Variants in APOL4 observed in about 807,000 individuals in gnomAD.
The protein encoded by APOL4 is apolipoprotein L, 4.
Under a neutral mutation model 12.1 loss-of-function variants are expected in APOL4, and 14 were observed. That is an observed-to-expected ratio of 1.16 (90% confidence interval 0.76 to 1.81). The LOEUF is 1.81. Among genes scored for constraint, APOL4 ranks in the 40% most tolerant of loss-of-function variants. The pLI is 0.00. For missense variants in APOL4, 432 were observed against 423.1 expected (o/e 1.02, Z -0.18); for synonymous variants, 171 against 160.6 (o/e 1.06, Z -0.49).
chr22:36,195,786 AC>A (rs2014396808), intron 2 of APOL4, among the ~76,000 whole-genome samples: 1 of 147,284 alleles, frequency 6.8e-6, no homozygotes. Context: ...TCACACACAC[AC>A]ACACACACAC....
Position 36,195,398 on chromosome 22 carries a change from T to G in APOL4, c.122A>C (p.Gln41Pro), listed in dbSNP as rs777442973. ...RFTEEVIEYF[Q>P]KKVSPVHLKI... The stretch of plus-strand genomic sequence containing the variant: ...CAGATGCACTGGGCTAACTTTCTTC[T>G]GGAAGTATTCAATGACTTCTTCAGT... Residue 41 changes from glutamine (Q) to proline (P), a missense_variant, in exon 3 of 4, where the codon CAG becomes CCG. Coordinates refer to ENST00000683024, the MANE Select transcript of APOL4 (RefSeq NM_001386885.1). 2 of 1,613,842 alleles carry G rather than the reference T, an allele frequency of 1.2e-6. No homozygotes were observed. The highest frequency in any genetic ancestry group is 3.3e-5 in the Admixed American group (2 of 60,008).
intron 2 of APOL4, 48 bp downstream of exon 2, chr22:36,199,282 G>C (rs555569681): frequency 1.2e-6 from 2 of 1,611,332 alleles, no homozygotes; most frequent in South Asian, 2.2e-5. Context: ...GAACCAGCCA[G>C]GGAAGAGGAG....
chr22:36,197,640 C>T, intron 2 of APOL4: 1 of 1,546,310 alleles, frequency 6.5e-7, no homozygotes, highest in Non-Finnish European at 8.7e-7. Flanking sequence ...ATGGGCGCTT[C>T]TGTCAGACAC....
intron 3 of APOL4, among the ~76,000 whole-genome samples, chr22:36,192,864 C>T (rs910785889): frequency 2.0e-5 from 3 of 152,150 alleles, no homozygotes; most frequent in African/African-American, 4.8e-5. Context: ...TCTGCCATGA[C>T]GGCAGCTTGT....
chr22:36,190,113 G>A lies in APOL4; in HGVS notation c.*962C>T, dbSNP rs1180429077. The A allele has an allele frequency of 1.3e-5, 2 of 152,178 alleles. No homozygotes were observed. The highest frequency in any genetic ancestry group is 4.8e-5 in the African/African-American group (2 of 41,410). 9.4% of individuals were successfully genotyped at this position (152,178 alleles called of 1,614,324 possible). ...AGAAATTTTAAAGCTAGGTGTCCAG[G>A]GGAGACATCACACATCGGTAGGTTC... On this transcript the variant is annotated 3_prime_UTR_variant, in exon 4 of 4. Coordinates refer to ENST00000683024, the MANE Select transcript of APOL4 (RefSeq NM_001386885.1).
At chr22:36,195,025 G>C in intron 3 of APOL4, 1 of 302,076 alleles carries the variant, frequency 3.3e-6, no homozygotes, top group Non-Finnish European at 6.2e-6. Flanking sequence ...CTCAATGGAT[G>C]AAGAAAGGAA....
chr22:36,201,454 G>A, intron 1 of APOL4: 2 of 885,382 alleles, frequency 2.3e-6, no homozygotes, highest in South Asian at 3.9e-5. Flanking sequence ...ATGCAACAAG[G>A]GTAAAAGGGG....
intron 2 of APOL4, among the ~76,000 whole-genome samples, chr22:36,198,697 G>A (rs1210142304): frequency 1.3e-5 from 2 of 152,192 alleles, no homozygotes; most frequent in African/African-American, 4.8e-5. Flanking sequence ...CCCATGTAAT[G>A]TTTGATCCTC....
chr22:36,204,104 G>A (rs2146953529), upstream of APOL4, among the ~76,000 whole-genome samples: 1 of 152,282 alleles, frequency 6.6e-6, no homozygotes, highest in African/African-American at 2.4e-5. Flanking sequence ...ACAGGGCCTG[G>A]CACAAGTAGG....
chr22:36,195,809 CA>C (rs2014398013), intron 2 of APOL4, among the ~76,000 whole-genome samples: 1 of 150,766 alleles, frequency 6.6e-6, no homozygotes, highest in Admixed American at 6.6e-5. Flanking sequence ...CACACACACA[CA>C]CACACACCAC....
Position 36,189,849 on chromosome 22 carries a change from C to A in APOL4, c.*1226G>T. On this transcript the variant is annotated 3_prime_UTR_variant, in exon 4 of 4. Transcript: ENST00000683024. ...TGAGTAACCCCTCCCCTGCTGTGCT[C>A]AGCTACAGATGCCAAAGTTCCTAAC... 6.5e-6 allele frequency: 1 copy of A among 152,786 alleles called. No homozygotes were observed. Among genetic ancestry groups the A allele is most frequent in the South Asian group, 2.0e-4 (1 of 4,914 alleles). The allele number at this position is 152,786 out of a possible 1,614,324, so 9.5% of individuals were successfully genotyped here. A position where few individuals can be genotyped will look rare whatever the true frequency, so the allele number is the denominator to read the frequency against.
chr22:36,194,307 TG>T (rs917278036), intron 3 of APOL4, among the ~76,000 whole-genome samples: 5 of 152,138 alleles, frequency 3.3e-5, no homozygotes, highest in Non-Finnish European at 7.4e-5. Context: ...CCATCAGTGA[TG>T]GGATCAAATC....
chr22:36,195,776 TCACA>T (rs577893547), intron 2 of APOL4, among the ~76,000 whole-genome samples: 6,028 of 96,032 alleles, frequency 0.063, 171 homozygotes, highest in East Asian at 0.23. Flanking sequence ...TCTCTCTCTC[TCACA>T]CACACACACA....
At chr22:36,195,770 TC>T (rs1556616048) in intron 2 of APOL4, among the ~76,000 whole-genome samples, 20 of 90,148 alleles carry the variant, frequency 2.2e-4, no homozygotes, top group South Asian at 1.2e-3. Flanking sequence ...TCTCTCTCTC[TC>T]TCTCTCACAC....
intron 2 of APOL4, among the ~76,000 whole-genome samples, chr22:36,196,052 T>C (rs1230587107): frequency 1.3e-5 from 2 of 152,248 alleles, no homozygotes; most frequent in Non-Finnish European, 2.9e-5. Flanking sequence ...AACCAATCTA[T>C]TTCAGCTGAG....
At chr22:36,204,172 C>G (rs2014664046), upstream of APOL4, among the ~76,000 whole-genome samples, 1 of 152,206 alleles carries the variant, frequency 6.6e-6, no homozygotes, top group African/African-American at 2.4e-5. Context: ...CAAAAGAAAT[C>G]TCTTGCCTCA....
At chr22:36,192,760 A>T (rs1006113390) in intron 3 of APOL4, among the ~76,000 whole-genome samples, 1 of 152,078 alleles carries the variant, frequency 6.6e-6, no homozygotes, top group African/African-American at 2.4e-5. Flanking sequence ...GTGATGGGTG[A>T]TGGGCGTTTA....
At chr22:36,192,750 G>A (rs1056853112) in intron 3 of APOL4, among the ~76,000 whole-genome samples, 2 of 152,182 alleles carry the variant, frequency 1.3e-5, no homozygotes, top group African/African-American at 2.4e-5. Context: ...GTATAGCAAT[G>A]TGATGGGTGA....
At position 36,189,185 on chromosome 22, in the gene APOL4, G is replaced by A. The variant is rs886838169; in HGVS notation, c.*1890C>T. On this transcript the variant is annotated 3_prime_UTR_variant, in exon 4 of 4. Coordinates refer to ENST00000683024, the MANE Select transcript of APOL4 (RefSeq NM_001386885.1). The stretch of plus-strand genomic sequence containing the variant: ...CACAGGGCACTCAGCAAGACAGCTC[G>A]AGAGATCCAGCCTCCCCCAATGTCT... 6.6e-6 allele frequency: 1 copy of A among 152,204 alleles called. No individual in the cohort carries two copies. The highest frequency in any genetic ancestry group is 2.1e-4 in the South Asian group (1 of 4,824). The allele number at this position is 152,204 out of a possible 1,614,324, so 9.4% of individuals were successfully genotyped here.
Sources: gnomAD v4.1 joint callset for allele counts (sites outside exome capture counted in the v4.1 genomes callset) on GRCh38, gnomAD v4.1.1 for gene constraint, MANE v1.5 for transcripts, NCBI Gene and HGNC (gene_info 2026-07-23, HGNC 2026-07-21) for gene names.